NRXN1: variants seen among roughly 807,000 people sequenced by gnomAD.
The protein encoded by NRXN1 is neurexin 1.
A neutral mutation model predicts 150.9 loss-of-function variants in NRXN1; 39 were observed. That is an observed-to-expected ratio of 0.26 (90% CI 0.20 to 0.34). The LOEUF (loss-of-function observed/expected upper bound fraction) is 0.34, where lower values mean the gene tolerates loss of function less well. NRXN1 is among the 10% of genes least tolerant of loss of function. The pLI, the probability that NRXN1 is intolerant of heterozygous loss-of-function variation, is 1.00. For missense variants in NRXN1, 1,815 were observed against 1,949.9 expected, an observed-to-expected ratio of 0.93 and a Z score of 1.30; for synonymous variants, 924 against 757.0, an observed-to-expected ratio of 1.22 and a Z score of -3.62.
At chr2:50,128,592 T>C (rs1033303857) in intron 18 of NRXN1, among the ~76,000 whole-genome samples, 2 of 152,174 alleles carry the variant, frequency 1.3e-5, no homozygotes, top group Non-Finnish European at 2.9e-5. Flanking sequence ...TTAATCTCAC[T>C]GGAATTGCTG....
At chr2:50,466,970 C>T (rs1424862731) in intron 16 of NRXN1, among the ~76,000 whole-genome samples, 2 of 151,690 alleles carry the variant, frequency 1.3e-5, no homozygotes, top group South Asian at 2.1e-4. Flanking sequence ...TAATGCCAGC[C>T]ATTCACTGAC....
At chr2:49,962,648 C>T (rs1247100506) in intron 21 of NRXN1, among the ~76,000 whole-genome samples, 8 of 152,060 alleles carry the variant, frequency 5.3e-5, no homozygotes, top group Non-Finnish European at 7.4e-5. Flanking sequence ...CCTGTGGTAA[C>T]GGTAGAGGGT....
chr2:50,592,918 A>T (rs910789456), intron 8 of NRXN1, among the ~76,000 whole-genome samples: 2 of 152,204 alleles, frequency 1.3e-5, no homozygotes, highest in Non-Finnish European at 2.9e-5. Flanking sequence ...GGGGAAGTGG[A>T]GCAGTTTCCC....
At chr2:50,076,373 AAT>A (rs75237719) in intron 19 of NRXN1, among the ~76,000 whole-genome samples, 48,431 of 151,976 alleles carry the variant, frequency 0.32, 8,542 homozygotes, top group African/African-American at 0.44. Context: ...TTTGACTAAT[AAT>A]ATAGTGGAAT....
At chr2:50,438,108 C>A (rs186420979) in intron 17 of NRXN1, among the ~76,000 whole-genome samples, 155 of 152,286 alleles carry the variant, frequency 1.0e-3, no homozygotes, top group Admixed American at 5.1e-3. Context: ...CAAAACCTGA[C>A]TTCTAGTAGA....
At chr2:50,420,891 A>G (rs903753165) in intron 17 of NRXN1, among the ~76,000 whole-genome samples, 9 of 151,926 alleles carry the variant, frequency 5.9e-5, no homozygotes, top group African/African-American at 2.2e-4. Flanking sequence ...ATACCAGTAC[A>G]ACAAGAATAC....
chr2:50,681,935 G>C (rs1559117597), intron 5 of NRXN1, among the ~76,000 whole-genome samples: 1 of 152,112 alleles, frequency 6.6e-6, no homozygotes, highest in Non-Finnish European at 1.5e-5. Flanking sequence ...ATCTTTCTAA[G>C]CCTCATGCTG....
chr2:50,822,348 G>C (rs1006864065), intron 5 of NRXN1, among the ~76,000 whole-genome samples: 3 of 152,178 alleles, frequency 2.0e-5, no homozygotes, highest in Non-Finnish European at 4.4e-5. Flanking sequence ...AGAGAAAATG[G>C]ATAATAATGT....
At chr2:50,840,242 T>G (rs944909834) in intron 5 of NRXN1, among the ~76,000 whole-genome samples, 1 of 152,152 alleles carries the variant, frequency 6.6e-6, no homozygotes, top group Non-Finnish European at 1.5e-5. Context: ...CATTTTTATT[T>G]GTCAAGCTGT....
At chr2:50,044,506 A>C (rs1047262349) in intron 21 of NRXN1, among the ~76,000 whole-genome samples, 3 of 152,232 alleles carry the variant, frequency 2.0e-5, no homozygotes, top group African/African-American at 7.2e-5. Flanking sequence ...GCCAACACTT[A>C]AGACGTGAAA....
intron 8 of NRXN1, among the ~76,000 whole-genome samples, chr2:50,577,090 T>C (rs1264904411): frequency 6.6e-6 from 1 of 152,136 alleles, no homozygotes; most frequent in Non-Finnish European, 1.5e-5. Flanking sequence ...TGAACCATTA[T>C]TACGTTTTCA....
intron 18 of NRXN1, among the ~76,000 whole-genome samples, chr2:50,101,762 A>AT (rs1701010255): frequency 6.6e-6 from 1 of 151,994 alleles, no homozygotes; most frequent in Non-Finnish European, 1.5e-5. Flanking sequence ...AAGGAGCACT[A>AT]TTTTTTTAAA....
At chr2:50,417,974 T>A (rs1245673858) in intron 17 of NRXN1, among the ~76,000 whole-genome samples, 1 of 151,904 alleles carries the variant, frequency 6.6e-6, no homozygotes, top group African/African-American at 2.4e-5. Context: ...AACGGAGTAC[T>A]GAGAAGTTTT....
chr2:50,362,768 A>G (rs571060477), intron 17 of NRXN1, among the ~76,000 whole-genome samples: 1 of 152,232 alleles, frequency 6.6e-6, no homozygotes, highest in Non-Finnish European at 1.5e-5. Context: ...GGAATAAAAA[A>G]GTACCCCGTA....
At chr2:50,335,120 C>T (rs970042540) in intron 17 of NRXN1, among the ~76,000 whole-genome samples, 1 of 152,102 alleles carries the variant, frequency 6.6e-6, no homozygotes, top group African/African-American at 2.4e-5. Context: ...CCCAAAAGAA[C>T]CTCTTTAGAA....
intron 5 of NRXN1, among the ~76,000 whole-genome samples, chr2:50,869,196 T>C (rs1476671228): frequency 4.0e-5 from 6 of 151,752 alleles, no homozygotes; most frequent in Non-Finnish European, 8.8e-5. Context: ...TTAATAACAG[T>C]CTGAAATAAT....
chr2:50,232,059 G>A (rs369974129), intron 18 of NRXN1, among the ~76,000 whole-genome samples: 3 of 152,040 alleles, frequency 2.0e-5, no homozygotes, highest in African/African-American at 7.2e-5. Flanking sequence ...TACTATACAA[G>A]TAAGAAAGTT....
chr2:50,328,597 A>C (rs1278040993), intron 17 of NRXN1, among the ~76,000 whole-genome samples: 1 of 152,034 alleles, frequency 6.6e-6, no homozygotes, highest in African/African-American at 2.4e-5. Context: ...AATAGCTGGC[A>C]TAGTGGTGGG....
intron 17 of NRXN1, among the ~76,000 whole-genome samples, chr2:50,305,101 TG>T (rs2074499731): frequency 4.0e-5 from 6 of 151,868 alleles, no homozygotes; most frequent in Admixed American, 3.3e-4. Context: ...GGGGGTGGGA[TG>T]GGGCGGAAAA....
Sources: allele counts gnomAD v4.1 joint callset (sites outside exome capture counted in the v4.1 genomes callset), GRCh38; gene constraint gnomAD v4.1.1; transcripts MANE v1.5; gene names NCBI Gene and HGNC (gene_info 2026-07-23, HGNC 2026-07-21).